AGBL4: variants seen among roughly 807,000 people sequenced by gnomAD.
AGBL4 encodes the protein AGBL carboxypeptidase 4.
Under a neutral mutation model 66.4 loss-of-function variants are expected in AGBL4, and 58 were observed. The ratio of observed to expected loss-of-function variants is 0.87; its 90% CI spans 0.71 to 1.09. AGBL4 has a LOEUF of 1.09. Among genes scored for constraint, AGBL4 ranks in the 50% least tolerant of loss-of-function variants. AGBL4 has a pLI of 0.00. For synonymous variants in AGBL4, 234 were observed against 222.9 expected, an observed-to-expected ratio of 1.05 and a Z score of -0.44; for missense variants, 579 against 631.0, an observed-to-expected ratio of 0.92 and a Z score of 0.88.
At chr1:49,577,086 T>C (rs1211664192) in intron 3 of AGBL4, among the ~76,000 whole-genome samples, 1 of 152,184 alleles carries the variant, frequency 6.6e-6, no homozygotes, top group Non-Finnish European at 1.5e-5. Flanking sequence ...AGAAGCATGA[T>C]TGGAAAATTG....
intron 1 of AGBL4, among the ~76,000 whole-genome samples, chr1:50,001,248 C>T (rs569850079): frequency 2.7e-5 from 4 of 149,704 alleles, no homozygotes; most frequent in African/African-American, 9.8e-5. Context: ...TTATGTATAA[C>T]AAAAAAGGCA....
chr1:49,704,113 A>ATCTG (rs1647155324), intron 2 of AGBL4, among the ~76,000 whole-genome samples: 1 of 152,132 alleles, frequency 6.6e-6, no homozygotes, highest in Non-Finnish European at 1.5e-5. Context: ...CAATGTATGT[A>ATCTG]TACAGATTCA....
In AGBL4 at chr1:49,460,704, C is replaced by T. The variant is rs1201657680; in HGVS notation, c.283-214840G>A. ...ATTATTATATAGGTCCTGTGAGATT[C>T]ATGCTTTAAGGAGGTTCTATTTTGG... On this transcript the variant is annotated intron_variant, in intron 3 of 13. Transcript: ENST00000371839. 2.0e-5 allele frequency among the ~76,000 whole-genome samples: 3 copies of T among 151,474 alleles called. No individual in the cohort carries two copies. The South Asian group carries it at 6.2e-4, about 32-fold the overall frequency.
In AGBL4 at chr1:49,770,736, G is replaced by A. The variant is rs372149794; in HGVS notation, c.158-73299C>T. ...TTTTCTATTTTTTCATAATTTAAAC[G>A]TGCTATGTTGTATGTATTCAGGAAT... On this transcript the variant is annotated intron_variant, in intron 2 of 13. Coordinates refer to ENST00000371839, the MANE Select transcript of AGBL4 (RefSeq NM_032785.4). Among the ~76,000 whole-genome samples the A allele has an allele frequency of 1.6e-3, 239 of 151,876 alleles. 1 individual carries two copies. The highest frequency in any genetic ancestry group is 4.9e-3 in the African/African-American group (203 of 41,404).
chr1:49,661,090 C>T (rs1010522658), intron 3 of AGBL4, among the ~76,000 whole-genome samples: 2 of 152,198 alleles, frequency 1.3e-5, no homozygotes, highest in South Asian at 2.1e-4. Context: ...ATATCCTGCA[C>T]ATGTACCCCA....
chr1:48,664,037 A>T (rs1646147835), intron 6 of AGBL4, among the ~76,000 whole-genome samples: 2 of 152,224 alleles, frequency 1.3e-5, no homozygotes, highest in African/African-American at 4.8e-5. Context: ...ATGCAAGATA[A>T]TCAATGAGAG....
At chr1:49,044,577 C>T (rs1346876095) in intron 5 of AGBL4, among the ~76,000 whole-genome samples, 1 of 152,060 alleles carries the variant, frequency 6.6e-6, no homozygotes, top group African/African-American at 2.4e-5. Context: ...TCCTAATCCC[C>T]AGAACCTGTC....
intron 6 of AGBL4, among the ~76,000 whole-genome samples, chr1:48,828,293 C>G (rs932174864): frequency 3.3e-5 from 5 of 152,132 alleles, no homozygotes; most frequent in Non-Finnish European, 7.4e-5. Context: ...CTCCTACCAC[C>G]ATAGAGGTGT....
In AGBL4 at chr1:49,161,249, C is replaced by T. The variant is rs139493254; in HGVS notation, c.377+84521G>A. 1.0e-3 allele frequency among the ~76,000 whole-genome samples: 156 copies of T among 152,298 alleles called. 1 individual carries two copies. The highest frequency in any genetic ancestry group is 3.6e-3 in the African/African-American group (150 of 41,574). ...CATAGGAAAAGCACAGTATCTGGAG[C>T]CGAGTACATGGTTCCTCACAGCACA... On this transcript the variant is annotated intron_variant, in intron 4 of 13. Coordinates refer to ENST00000371839, the MANE Select transcript of AGBL4 (RefSeq NM_032785.4).
At chr1:49,670,594 C>G (rs1240967795) in intron 3 of AGBL4, among the ~76,000 whole-genome samples, 3 of 152,086 alleles carry the variant, frequency 2.0e-5, no homozygotes, top group African/African-American at 4.8e-5. Context: ...GAAACTACAG[C>G]AAAAAGTAAA....
chr1:49,752,380 C>T (rs1324694838), intron 2 of AGBL4, among the ~76,000 whole-genome samples: 11 of 152,072 alleles, frequency 7.2e-5, no homozygotes, highest in African/African-American at 9.7e-5. Flanking sequence ...TGTAGTTGTG[C>T]GGTTTTGAGT....
chr1:49,045,885 G>A (rs1175766000), intron 4 of AGBL4, 85 bp from the exon 5 acceptor site: 9 of 1,135,208 alleles, frequency 7.9e-6, no homozygotes, highest in African/African-American at 1.6e-5. Context: ...AATGCCTGGA[G>A]AAAAACTGTA....
chr1:49,150,977 T>C (rs1646316533), intron 4 of AGBL4, among the ~76,000 whole-genome samples: 1 of 152,086 alleles, frequency 6.6e-6, no homozygotes, highest in Non-Finnish European at 1.5e-5. Context: ...TTTAAAAATA[T>C]ATACATATAG....
intron 3 of AGBL4, among the ~76,000 whole-genome samples, chr1:49,669,935 G>T (rs1290980271): frequency 6.6e-6 from 1 of 151,930 alleles, no homozygotes; most frequent in Admixed American, 6.6e-5. Flanking sequence ...TAAAGAAAAA[G>T]TTGGATAGGC....
chr1:48,704,116 T>C lies in AGBL4; in HGVS notation c.635-40875A>G, dbSNP rs1053345079. Among the ~76,000 whole-genome samples the C allele has an allele frequency of 6.6e-5, 10 of 152,156 alleles. No homozygotes were observed. In the South Asian group the frequency reaches 2.1e-3, roughly 32 times the overall value. On this transcript the variant is annotated intron_variant, in intron 6 of 13. Coordinates refer to ENST00000371839, the MANE Select transcript of AGBL4 (RefSeq NM_032785.4). ...ATTGTAACTCAATGGAAAGTATTTA[T>C]GTATCTAAGCATATCTACACTTGAT...
intron 1 of AGBL4, among the ~76,000 whole-genome samples, chr1:49,908,537 A>G (rs1245927519): frequency 1.3e-5 from 2 of 152,146 alleles, no homozygotes; most frequent in Non-Finnish European, 2.9e-5. Flanking sequence ...AGATGCCAAC[A>G]TTACACTTCC....
chr1:49,830,782 G>A (rs1303112402), intron 2 of AGBL4, among the ~76,000 whole-genome samples: 2 of 152,082 alleles, frequency 1.3e-5, no homozygotes, highest in African/African-American at 4.8e-5. Flanking sequence ...GTTAATTTTT[G>A]TATAAGGTGT....
chr1:49,632,989 G>A (rs1426056954), intron 3 of AGBL4, among the ~76,000 whole-genome samples: 1 of 152,048 alleles, frequency 6.6e-6, no homozygotes, highest in African/African-American at 2.4e-5. Flanking sequence ...CAGGAGAATT[G>A]CTTGAACCTG....
chr1:48,567,921 G>A (rs886603336), intron 11 of AGBL4, among the ~76,000 whole-genome samples: 3 of 152,168 alleles, frequency 2.0e-5, no homozygotes, highest in Non-Finnish European at 2.9e-5. Context: ...TCCAGGCCTT[G>A]TGAGGCTGTG....
Sources: allele counts gnomAD v4.1 joint callset (sites outside exome capture counted in the v4.1 genomes callset), GRCh38; gene constraint gnomAD v4.1.1; transcripts MANE v1.5; gene names NCBI Gene and HGNC (gene_info 2026-07-23, HGNC 2026-07-21).